SLC16A9: variants seen among roughly 807,000 people sequenced by gnomAD.
The protein encoded by SLC16A9 is solute carrier family 16 member 9.
SLC16A9 carries 26 observed loss-of-function variants against 44.3 expected under a neutral mutation model. The ratio of observed to expected loss-of-function variants is 0.59; its 90% CI spans 0.43 to 0.81. The LOEUF is 0.81. Among genes scored for constraint, SLC16A9 ranks in the 40% least tolerant of loss-of-function variants. The pLI, the probability that SLC16A9 is intolerant of heterozygous loss-of-function variation, is 0.00. For synonymous variants in SLC16A9, 230 were observed against 225.1 expected, an observed-to-expected ratio of 1.02 and a Z score of -0.19; for missense variants, 559 against 595.8, an observed-to-expected ratio of 0.94 and a Z score of 0.64.
intron 3 of SLC16A9, among the ~76,000 whole-genome samples, chr10:59,670,566 A>G (rs1279545541): frequency 6.6e-6 from 1 of 152,234 alleles, no homozygotes; most frequent in South Asian, 2.1e-4. Flanking sequence ...TCCCTTGGTC[A>G]CACTGTCTAG....
At chr10:59,688,404 A>C (rs1840181076) in intron 1 of SLC16A9, among the ~76,000 whole-genome samples, 2 of 152,196 alleles carry the variant, frequency 1.3e-5, no homozygotes, top group South Asian at 4.1e-4. Context: ...ATTAACTTTC[A>C]ACATTTAATG....
At chr10:59,703,011 T>A (rs564961705) in intron 1 of SLC16A9, among the ~76,000 whole-genome samples, 6 of 152,198 alleles carry the variant, frequency 3.9e-5, no homozygotes, top group Non-Finnish European at 7.3e-5. Context: ...CACATTAAGA[T>A]GGAAAGGCAG....
chr10:59,696,393 C>A (rs1349568083), intron 1 of SLC16A9, among the ~76,000 whole-genome samples: 1 of 152,230 alleles, frequency 6.6e-6, no homozygotes, highest in East Asian at 1.9e-4. Context: ...GACGGAGTTG[C>A]GTTCACTCAG....
rs1839240286 is a variant in SLC16A9 at position 59,652,885 on chromosome 10, G to A, written c.1417C>T (p.Leu473=). 3 of 1,613,944 alleles carry A rather than the reference G, an allele frequency of 1.9e-6. No homozygotes were observed. Among genetic ancestry groups the A allele is most frequent in the Non-Finnish European group, 2.5e-6 (3 of 1,179,936 alleles). ...AFYFSGFCVL[L]GGFILLLAAL... is the part of the protein sequence containing the mutation. Reference sequence around the variant, plus strand: ...GCCAGCAGCAGAATAAAACCTCCCAGCAGGACGCAGAAGCCACTAAAATAA... The same window carrying A: ...GCCAGCAGCAGAATAAAACCTCCCAACAGGACGCAGAAGCCACTAAAATAA... The change falls in exon 6 of 6, where the codon CTG becomes TTG. Residue 473 remains leucine, a synonymous_variant. Transcript: ENST00000395348.
At chr10:59,686,029 G>T (rs1840126026) in intron 1 of SLC16A9, among the ~76,000 whole-genome samples, 1 of 149,872 alleles carries the variant, frequency 6.7e-6, no homozygotes, top group Non-Finnish European at 1.5e-5. Context: ...CCAGGCTGGA[G>T]TGCAGTGGCG....
In SLC16A9 at chr10:59,652,416, G is replaced by A. The variant is rs778888152; in HGVS notation, c.*356C>T. On this transcript the variant is annotated 3_prime_UTR_variant, in exon 6 of 6. Transcript: ENST00000395348. ...TTTAAAATAGGAGCAGTCTCTCTAG[G>A]TGCCTTGCAGTGGATTAAATGGAGT... 12 of 162,584 alleles carry A rather than the reference G, an allele frequency of 7.4e-5. No homozygotes were observed. The highest frequency in any genetic ancestry group is 1.9e-4 in the African/African-American group (8 of 41,788). The allele number at this position is 162,584 out of a possible 1,614,324, so 10.1% of individuals were successfully genotyped here. A position where few individuals can be genotyped will look rare whatever the true frequency, so the allele number is the denominator to read the frequency against.
intron 1 of SLC16A9, among the ~76,000 whole-genome samples, chr10:59,694,626 C>T (rs1840328378): frequency 6.6e-6 from 1 of 150,916 alleles, no homozygotes; most frequent in African/African-American, 2.4e-5. Context: ...CATAGTGAAA[C>T]CCCATCTCTA....
chr10:59,702,981 G>T (rs1014862891), intron 1 of SLC16A9, among the ~76,000 whole-genome samples: 1 of 152,146 alleles, frequency 6.6e-6, no homozygotes, highest in Non-Finnish European at 1.5e-5. Flanking sequence ...CATCCAAGTG[G>T]AAACCAAAAT....
chr10:59,709,042 C>T (rs1485936101), intron 1 of SLC16A9, among the ~76,000 whole-genome samples: 1 of 152,198 alleles, frequency 6.6e-6, no homozygotes, highest in Non-Finnish European at 1.5e-5. Context: ...TGCTCGCGCT[C>T]CGGACCAAGG....
intron 2 of SLC16A9, among the ~76,000 whole-genome samples, chr10:59,673,460 C>T (rs1344459281): frequency 6.6e-6 from 1 of 152,108 alleles, no homozygotes; most frequent in African/African-American, 2.4e-5. Flanking sequence ...ACTTAATGTA[C>T]TAGAAATAAA....
chr10:59,678,546 C>CTTTTTTTTTTT lies in SLC16A9; in HGVS notation c.196+5549_196+5550insAAAAAAAAAAA, dbSNP rs751112027. Among the ~76,000 whole-genome samples, 9 of 30,592 alleles carry CTTTTTTTTTTT rather than the reference C, an allele frequency of 2.9e-4. 3 individuals carry two copies. The highest frequency in any genetic ancestry group is 7.1e-4 in the African/African-American group (8 of 11,256). 20.1% of individuals were successfully genotyped at this position (30,592 alleles called of 152,430 possible). On this transcript the variant is annotated intron_variant, in intron 2 of 5. Transcript: ENST00000395348. ...ATCTTTTTTTTTTCTTTTTCTTTTT[C>CTTTTTTTTTTT]TTTTTTTTGAGACGGAGTCTCGCTC...
At chr10:59,669,700 G>A (rs1221902117) in intron 3 of SLC16A9, among the ~76,000 whole-genome samples, 2 of 152,094 alleles carry the variant, frequency 1.3e-5, no homozygotes, top group African/African-American at 4.8e-5. Flanking sequence ...GTCAAGCGTG[G>A]TGGCTTGCTC....
Position 59,675,251 on chromosome 10 carries a change from T to C in SLC16A9, c.197-2338A>G, listed in dbSNP as rs185326480. Reference sequence around the variant, plus strand: ...ATCATGTGATTTGACCAAGAGTCCATAGCTAGCCAATGACAGGTCTAAGGC... The same window carrying C: ...ATCATGTGATTTGACCAAGAGTCCACAGCTAGCCAATGACAGGTCTAAGGC... On this transcript the variant is annotated intron_variant, in intron 2 of 5. Transcript: ENST00000395348. Among the ~76,000 whole-genome samples the C allele has an allele frequency of 5.3e-4, 81 of 152,280 alleles. 2 individuals are homozygous for C. The highest frequency in any genetic ancestry group is 1.9e-3 in the African/African-American group (79 of 41,562).
At chr10:59,703,808 T>A (rs1840579605) in intron 1 of SLC16A9, among the ~76,000 whole-genome samples, 1 of 150,042 alleles carries the variant, frequency 6.7e-6, no homozygotes, top group Admixed American at 6.6e-5. Context: ...AAGCTCCACC[T>A]CCCGGGTTCA....
At chr10:59,664,470 G>T (rs1839562532) in intron 3 of SLC16A9, 148 bp from the exon 4 acceptor site, 1 of 454,318 alleles carries the variant, frequency 2.2e-6, no homozygotes, top group Non-Finnish European at 3.9e-6. Flanking sequence ...CCTTCCATGT[G>T]TGTAGCCCCA....
At position 59,650,946 on chromosome 10, in the gene SLC16A9, A is replaced by G. The variant is rs903341170; in HGVS notation, c.*1826T>C. The G allele has an allele frequency of 6.6e-6, 1 of 151,836 alleles. No individual in the cohort carries two copies. 9.4% of individuals were successfully genotyped at this position (151,836 alleles called of 1,614,324 possible). On this transcript the variant is annotated 3_prime_UTR_variant, in exon 6 of 6. Transcript: ENST00000395348. ...TTTCAGGTTATTGGGTTTCCTGAAC[A>G]TAACTGGCAAAAAGGAACTTTCAAC...
rs1188514826 is a variant in SLC16A9, at chr10:59,652,582, G to A, written c.*190C>T. 6.5e-6 allele frequency: 3 copies of A among 462,196 alleles called. No individual in the cohort carries two copies. Among genetic ancestry groups the A allele is most frequent in the South Asian group, 4.5e-5 (1 of 22,440 alleles). 28.6% of individuals were successfully genotyped at this position (462,196 alleles called of 1,614,324 possible). A position where few individuals can be genotyped will look rare whatever the true frequency, so the allele number is the denominator to read the frequency against. On this transcript the variant is annotated 3_prime_UTR_variant, in exon 6 of 6. Transcript: ENST00000395348. The stretch of plus-strand genomic sequence containing the variant: ...GGGGAGGAGAAATAGAAAAAAATAC[G>A]AGATAGAGGCTACGCATACACTACA...
intron 1 of SLC16A9, among the ~76,000 whole-genome samples, chr10:59,699,901 AACACACACACACAC>A (rs57820696): frequency 6.8e-5 from 10 of 147,672 alleles, no homozygotes; most frequent in Non-Finnish European, 1.3e-4. Context: ...CTGCACTGAA[AACACACACACACAC>A]ACACACACAC....
At chr10:59,655,799 AT>A (rs1839337378) in intron 4 of SLC16A9, among the ~76,000 whole-genome samples, 1 of 152,234 alleles carries the variant, frequency 6.6e-6, no homozygotes, top group Non-Finnish European at 1.5e-5. Context: ...GGTTGATCAT[AT>A]GTTTAAAATG....
Sources: allele counts gnomAD v4.1 joint callset (sites outside exome capture counted in the v4.1 genomes callset), GRCh38; gene constraint gnomAD v4.1.1; transcripts MANE v1.5; gene names NCBI Gene and HGNC (gene_info 2026-07-23, HGNC 2026-07-21).